The following MTUS2 variants were observed in gnomAD, a reference collection of about 807,000 sequenced individuals.
The protein encoded by MTUS2 is microtubule associated scaffold protein 2.
Under a neutral mutation model 114.1 loss-of-function variants are expected in MTUS2, and 40 were observed. That is an observed-to-expected ratio of 0.35 (90% confidence interval 0.27 to 0.46). The LOEUF (loss-of-function observed/expected upper bound fraction) is 0.46, where lower values mean the gene tolerates loss of function less well. Among genes scored for constraint, MTUS2 ranks in the 20% least tolerant of loss-of-function variants. MTUS2 has a pLI of 1.00. For synonymous variants in MTUS2, 688 were observed against 672.0 expected, an observed-to-expected ratio of 1.02 and a Z score of -0.37; for missense variants, 1,679 against 1,705.4, an observed-to-expected ratio of 0.98 and a Z score of 0.27.
chr13:29,471,819 G>C (rs1386557297), intron 9 of MTUS2, among the ~76,000 whole-genome samples: 1 of 150,210 alleles, frequency 6.7e-6, no homozygotes, highest in Non-Finnish European at 1.5e-5. Flanking sequence ...AATGGATTAG[G>C]CTACTTACGG....
intron 2 of MTUS2, among the ~76,000 whole-genome samples, chr13:28,977,011 G>A (rs952371369): frequency 2.6e-5 from 4 of 152,170 alleles, no homozygotes; most frequent in African/African-American, 9.7e-5. Flanking sequence ...CCCCCTTTGA[G>A]TTTGATGCCA....
chr13:28,878,172 A>G (rs114525301), intron 2 of MTUS2, among the ~76,000 whole-genome samples: 2,663 of 152,030 alleles, frequency 0.018, 83 homozygotes, highest in African/African-American at 0.061. Context: ...GGCCCCAAAT[A>G]CTTTCAAACA....
intron 5 of MTUS2, among the ~76,000 whole-genome samples, chr13:29,215,829 G>A (rs941874257): frequency 6.6e-6 from 1 of 152,150 alleles, no homozygotes; most frequent in Non-Finnish European, 1.5e-5. Context: ...GCTGGGAAGT[G>A]TCTCCCAGTC....
chr13:28,975,203 G>C (rs1884033282), intron 2 of MTUS2, among the ~76,000 whole-genome samples: 1 of 152,194 alleles, frequency 6.6e-6, no homozygotes, highest in Non-Finnish European at 1.5e-5. Flanking sequence ...GTAGGAATTT[G>C]ATCATGATCC....
intron 2 of MTUS2, among the ~76,000 whole-genome samples, chr13:28,907,547 G>C (rs1444042293): frequency 1.3e-5 from 2 of 151,392 alleles, no homozygotes; most frequent in African/African-American, 4.9e-5. Context: ...AAAATAAAGG[G>C]ATGGAGGAAG....
intron 2 of MTUS2, among the ~76,000 whole-genome samples, chr13:28,868,822 A>G (rs1057004027): frequency 5.9e-5 from 9 of 152,204 alleles, no homozygotes; most frequent in South Asian, 2.1e-4. Context: ...CCTATCTGCC[A>G]TCTTTTAAAC....
chr13:29,082,598 G>A (rs574099129), intron 4 of MTUS2, among the ~76,000 whole-genome samples: 1 of 152,274 alleles, frequency 6.6e-6, no homozygotes, highest in African/African-American at 2.4e-5. Context: ...AATAGAATAT[G>A]CGAGAGGGCC....
At chr13:29,259,317 G>A (rs1897385783) in intron 5 of MTUS2, among the ~76,000 whole-genome samples, 1 of 152,098 alleles carries the variant, frequency 6.6e-6, no homozygotes, top group Non-Finnish European at 1.5e-5. Context: ...GCCTTTATTG[G>A]AGCACCTCAA....
At chr13:28,820,006 G>T (rs1200390949), upstream of MTUS2, among the ~76,000 whole-genome samples, 6 of 147,224 alleles carry the variant, frequency 4.1e-5, no homozygotes, top group African/African-American at 1.5e-4. Context: ...CGCATCAGCT[G>T]CCCCGCGCCG....
intron 7 of MTUS2, among the ~76,000 whole-genome samples, chr13:29,356,602 C>T (rs1869763447): frequency 1.3e-5 from 2 of 152,242 alleles, no homozygotes; most frequent in Non-Finnish European, 1.5e-5. Flanking sequence ...ATCAGGGAAT[C>T]AGCTATAGAA....
At chr13:29,241,841 A>G (rs997403781) in intron 5 of MTUS2, among the ~76,000 whole-genome samples, 2 of 152,074 alleles carry the variant, frequency 1.3e-5, no homozygotes, top group Admixed American at 6.5e-5. Context: ...AGTCTGTCCA[A>G]TCCACCTTAG....
intron 8 of MTUS2, among the ~76,000 whole-genome samples, chr13:29,365,425 A>T (rs1870620196): frequency 6.6e-6 from 1 of 152,186 alleles, no homozygotes; most frequent in Non-Finnish European, 1.5e-5. Flanking sequence ...AGATGAGAAC[A>T]GATACCTGAC....
chr13:29,206,053 C>A (rs1895172091), intron 5 of MTUS2, among the ~76,000 whole-genome samples: 1 of 152,132 alleles, frequency 6.6e-6, no homozygotes, highest in South Asian at 2.1e-4. Flanking sequence ...CCCTTTTCAC[C>A]ACACTCCCAC....
chr13:29,403,058 G>T (rs1319863256), intron 8 of MTUS2, among the ~76,000 whole-genome samples: 1 of 152,196 alleles, frequency 6.6e-6, no homozygotes, highest in Non-Finnish European at 1.5e-5. Flanking sequence ...CTGAACTTCA[G>T]GAGGGAAGGA....
intron 5 of MTUS2, among the ~76,000 whole-genome samples, chr13:29,201,142 C>CT (rs1340796801): frequency 2.0e-5 from 3 of 152,124 alleles, no homozygotes; most frequent in Admixed American, 1.3e-4. Flanking sequence ...GTGTGGGAGT[C>CT]TAAGTTTCTT....
intron 5 of MTUS2, among the ~76,000 whole-genome samples, chr13:29,164,557 A>G (rs1893235186): frequency 6.6e-6 from 1 of 152,202 alleles, no homozygotes; most frequent in Admixed American, 6.5e-5. Context: ...TCAGTCTATC[A>G]TGTGATATAA....
intron 2 of MTUS2, among the ~76,000 whole-genome samples, chr13:28,865,089 G>C (rs1161564848): frequency 6.6e-6 from 1 of 152,142 alleles, no homozygotes; most frequent in African/African-American, 2.4e-5. Flanking sequence ...CTATGTGTGT[G>C]TCTGTATGTA....
At chr13:29,289,037 T>C (rs1290361241) in intron 6 of MTUS2, among the ~76,000 whole-genome samples, 1 of 152,238 alleles carries the variant, frequency 6.6e-6, no homozygotes, top group African/African-American at 2.4e-5. Flanking sequence ...TAAATAAGTG[T>C]TCTCCTATTT....
At chr13:29,283,429 G>T (rs556207944) in intron 6 of MTUS2, among the ~76,000 whole-genome samples, 5 of 152,284 alleles carry the variant, frequency 3.3e-5, no homozygotes, top group Admixed American at 3.3e-4. Flanking sequence ...ACAAATGAAT[G>T]AATGGATATC....
Sources: gnomAD v4.1 joint callset for allele counts (sites outside exome capture counted in the v4.1 genomes callset) on GRCh38, gnomAD v4.1.1 for gene constraint, MANE v1.5 for transcripts, NCBI Gene and HGNC (gene_info 2026-07-23, HGNC 2026-07-21) for gene names.